The following MAD1L1 variants were observed in gnomAD, a reference collection of about 807,000 sequenced individuals.
The protein encoded by MAD1L1 is mitotic spindle assembly checkpoint protein MAD1.
Under a neutral mutation model 96.9 loss-of-function variants are expected in MAD1L1, and 95 were observed. That is an observed-to-expected ratio of 0.98 (90% CI 0.83 to 1.16). The LOEUF is 1.16. MAD1L1 is among the 50% of genes most tolerant of loss of function. The probability of loss-of-function intolerance (pLI) is 0.00; values close to 1 mark genes in which losing one functional copy is unlikely to be tolerated. For synonymous variants in MAD1L1, 473 were observed against 396.6 expected (o/e 1.19, Z -2.29); for missense variants, 1,007 against 954.4 (o/e 1.06, Z -0.73).
chr7:1,922,231 C>T (rs952198929), intron 17 of MAD1L1, among the ~76,000 whole-genome samples: 5 of 152,328 alleles, frequency 3.3e-5, no homozygotes, highest in South Asian at 4.1e-4. Context: ...TGGACCTGGC[C>T]GCGCCGCGTC....
intron 18 of MAD1L1, among the ~76,000 whole-genome samples, chr7:1,824,134 C>T (rs1045882088): frequency 5.3e-5 from 8 of 152,138 alleles, no homozygotes; most frequent in Non-Finnish European, 1.2e-4. Flanking sequence ...CCACCACCTC[C>T]CGGCCACCAG....
At chr7:1,983,132 ACGCGCGCGCGCGCG>A (rs141111007) in intron 14 of MAD1L1, among the ~76,000 whole-genome samples, 2 of 144,778 alleles carry the variant, frequency 1.4e-5, no homozygotes, top group African/African-American at 5.2e-5. Flanking sequence ...ACACCCACAG[ACGCGCGCGCGCGCG>A]CGCGCGCGCA....
chr7:2,047,082 T>C (rs1783957475), intron 12 of MAD1L1, among the ~76,000 whole-genome samples: 1 of 152,194 alleles, frequency 6.6e-6, no homozygotes, highest in Non-Finnish European at 1.5e-5. Flanking sequence ...GCCACCCTCC[T>C]GGGCAAACAG....
chr7:1,887,740 C>A (rs1786180410), intron 18 of MAD1L1, among the ~76,000 whole-genome samples: 2 of 134,298 alleles, frequency 1.5e-5, no homozygotes, highest in African/African-American at 5.7e-5. Flanking sequence ...TATGTGGCTT[C>A]CTGTGCATGT....
chr7:2,040,154 C>T (rs753758699), intron 12 of MAD1L1, among the ~76,000 whole-genome samples: 16 of 152,160 alleles, frequency 1.1e-4, no homozygotes, highest in African/African-American at 2.7e-4. Context: ...AAATTAATAA[C>T]GGAGGTGAAA....
At chr7:2,122,537 G>A (rs1788030039) in intron 11 of MAD1L1, among the ~76,000 whole-genome samples, 1 of 152,180 alleles carries the variant, frequency 6.6e-6, no homozygotes, top group East Asian at 1.9e-4. Flanking sequence ...GGGAGGCGGA[G>A]GTTGCCATGA....
At chr7:2,043,493 C>A (rs575073788) in intron 12 of MAD1L1, among the ~76,000 whole-genome samples, 1 of 152,250 alleles carries the variant, frequency 6.6e-6, no homozygotes, top group African/African-American at 2.4e-5. Flanking sequence ...GCCCTCGGCA[C>A]GACCTGGCAC....
intron 10 of MAD1L1, among the ~76,000 whole-genome samples, chr7:2,181,312 T>G (rs944920018): frequency 6.6e-6 from 1 of 152,288 alleles, no homozygotes; most frequent in Non-Finnish European, 1.5e-5. Flanking sequence ...AGTTGTTTTT[T>G]ACTTGTTTCA....
intron 11 of MAD1L1, among the ~76,000 whole-genome samples, chr7:2,120,265 C>T (rs968888779): frequency 1.3e-5 from 2 of 152,222 alleles, no homozygotes; most frequent in African/African-American, 2.4e-5. Context: ...CCAACAGCCC[C>T]GCCTGTATGT....
chr7:1,923,810 AC>A (rs1208640303), intron 17 of MAD1L1, among the ~76,000 whole-genome samples: 2 of 152,158 alleles, frequency 1.3e-5, no homozygotes, highest in African/African-American at 4.8e-5. Context: ...TGGGGCTCTG[AC>A]CCTAATCAGC....
At position 2,040,566 on chromosome 7, in the gene MAD1L1, T is replaced by C. The variant is rs1346399043; in HGVS notation, c.1219-25924A>G. On this transcript the variant is annotated intron_variant, in intron 12 of 18. Coordinates refer to ENST00000265854, the MANE Select transcript of MAD1L1 (RefSeq NM_001013836.2). ...GCTGACCTTATATCCATTAAGTTTT[T>C]CTTTCCATTATTGCTAGGCATTAAC... Among the ~76,000 whole-genome samples the C allele has an allele frequency of 2.0e-5, 3 of 152,362 alleles. No individual in the cohort carries two copies. The East Asian group carries it at 5.8e-4, about 29-fold the overall frequency.
chr7:2,109,699 A>G (rs1249114442), intron 11 of MAD1L1: 2 of 152,354 alleles, frequency 1.3e-5, no homozygotes, highest in African/African-American at 2.4e-5. Context: ...TTTTTATAGC[A>G]TTATATTTAG....
intron 12 of MAD1L1, among the ~76,000 whole-genome samples, chr7:2,065,412 C>G (rs953980400): frequency 1.3e-5 from 2 of 152,164 alleles, no homozygotes; most frequent in Non-Finnish European, 2.9e-5. Context: ...GTTTTGAGAC[C>G]GTGGATCATC....
chr7:1,907,680 G>C (rs1441739056), intron 17 of MAD1L1, among the ~76,000 whole-genome samples: 1 of 152,256 alleles, frequency 6.6e-6, no homozygotes, highest in African/African-American at 2.4e-5. Flanking sequence ...AGGAGTGGGG[G>C]AAACATCACC....
chr7:1,839,529 G>C (rs1459233297), intron 18 of MAD1L1, among the ~76,000 whole-genome samples: 1 of 152,198 alleles, frequency 6.6e-6, no homozygotes, highest in African/African-American at 2.4e-5. Context: ...CTTCACAAAG[G>C]CTCCAAAAAC....
At chr7:1,902,668 A>C (rs1253276033) in intron 17 of MAD1L1, among the ~76,000 whole-genome samples, 2 of 90,090 alleles carry the variant, frequency 2.2e-5, no homozygotes, top group Admixed American at 2.5e-4. Flanking sequence ...CGTGAGCCTC[A>C]GGGTGCAGGG....
chr7:2,052,737 C>A (rs570897386), intron 12 of MAD1L1, among the ~76,000 whole-genome samples: 2 of 152,214 alleles, frequency 1.3e-5, no homozygotes, highest in Non-Finnish European at 2.9e-5. Flanking sequence ...AAACCTGGAG[C>A]AAACAGCTGG....
chr7:1,837,392 T>C (rs945647446), intron 18 of MAD1L1, among the ~76,000 whole-genome samples: 2 of 152,230 alleles, frequency 1.3e-5, no homozygotes, highest in African/African-American at 4.8e-5. Context: ...GGAAAACAGC[T>C]TGGCAACTTC....
chr7:1,995,326 GCCC>G (rs1781507225), intron 14 of MAD1L1, among the ~76,000 whole-genome samples: 1 of 152,140 alleles, frequency 6.6e-6, no homozygotes, highest in Non-Finnish European at 1.5e-5. Context: ...GGAAGATCAG[GCCC>G]CTGTTCTCAC....
Sources: gnomAD v4.1 joint callset for allele counts (sites outside exome capture counted in the v4.1 genomes callset) on GRCh38, gnomAD v4.1.1 for gene constraint, MANE v1.5 for transcripts, NCBI Gene and HGNC (gene_info 2026-07-23, HGNC 2026-07-21) for gene names.